MYH11: variants seen among roughly 807,000 people sequenced by gnomAD.
MYH11 encodes the protein myosin heavy chain 11.
In MYH11, 80 loss-of-function variants were observed where a neutral mutation model predicts 246.6. The observed-to-expected ratio is 0.32, with a 90% CI of 0.27 to 0.39. The LOEUF is 0.39. Ranked by LOEUF, MYH11 falls within the 10% of genes least tolerant of loss-of-function variation. MYH11 has a pLI of 1.00. For synonymous variants in MYH11, 1,071 were observed against 1,015.5 expected (o/e 1.05, Z -1.04); for missense variants, 2,158 against 2,546.8 (o/e 0.85, Z 3.29).
At chr16:15,716,217 AATACCAC>A (rs1284420179) in intron 38 of MYH11, among the ~76,000 whole-genome samples, 5 of 152,012 alleles carry the variant, frequency 3.3e-5, no homozygotes. Context: ...ATGGGCATGA[AATACCAC>A]ATATGGCCTG....
In MYH11 at chr16:15,771,808, C is replaced by T. The variant is rs1008931474; in HGVS notation, c.890-96G>A. ...GTCAAGGGTCTGGGCCATCATAATT[C>T]CTTTCCCTTTATCAAGGCTTGAACC... On this transcript the variant is annotated intron_variant, in intron 8 of 40. Transcript: ENST00000300036. 2.0e-6 allele frequency: 3 copies of T among 1,495,354 alleles called. No homozygotes were observed. The African/African-American group carries it at 4.1e-5, about 21-fold the overall frequency. The allele number at this position is 1,495,354 out of a possible 1,614,324, so 92.6% of individuals were successfully genotyped here. A position where few individuals can be genotyped will look rare whatever the true frequency, so the allele number is the denominator to read the frequency against.
At chr16:15,831,694 G>A (rs547633617) in intron 2 of MYH11, among the ~76,000 whole-genome samples, 18 of 152,136 alleles carry the variant, frequency 1.2e-4, no homozygotes, top group African/African-American at 3.9e-4. Flanking sequence ...ATCCCAGCAC[G>A]TTGGGAGGCG....
intron 6 of MYH11, among the ~76,000 whole-genome samples, chr16:15,779,837 C>A (rs934454155): frequency 3.9e-5 from 6 of 152,242 alleles, no homozygotes; most frequent in Non-Finnish European, 7.3e-5. Flanking sequence ...GAACCCTTTT[C>A]CTGTTTCCTC....
chr16:15,777,088 T>TATACACATGCAGAC (rs1290516145), intron 7 of MYH11, among the ~76,000 whole-genome samples: 140 of 137,106 alleles, frequency 1.0e-3, no homozygotes, highest in African/African-American at 4.0e-3. Context: ...TGTACATGGG[T>TATACACATGCAGAC]ATACACACGC....
intron 6 of MYH11, among the ~76,000 whole-genome samples, chr16:15,781,185 C>T (rs1202617090): frequency 2.0e-5 from 3 of 152,218 alleles, no homozygotes; most frequent in African/African-American, 7.2e-5. Context: ...GGACTACGGG[C>T]ATGAGCCACC....
Position 15,715,168 on chromosome 16 carries a change from T to A in MYH11, c.5609A>T (p.Glu1870Val). ...AGGCTGGGTGGCAGGGGCTACCTGC[T>A]CCTTGTACTGCTCGGCCATCTTGCG... ...DERKMAEQYK[E>V]QAEKGNARVK... Residue 1870 changes from glutamate to valine, a missense_variant, in exon 39 of 41, where the codon GAG becomes GTG. This residue lies in a region of MYH11 where 1,013 missense variants were observed against 993.5 expected (regional missense o/e 1.02). Coordinates refer to ENST00000300036, the MANE Select transcript of MYH11 (RefSeq NM_002474.3). 6.2e-7 allele frequency: 1 copy of A among 1,613,648 alleles called. No homozygotes were observed. Among genetic ancestry groups the A allele is most frequent in the Non-Finnish European group, 8.5e-7 (1 of 1,179,996 alleles).
intron 40 of MYH11, chr16:15,708,858 A>AT: frequency 6.2e-7 from 1 of 1,608,648 alleles, no homozygotes; most frequent in Non-Finnish European, 8.5e-7. Flanking sequence ...CAGAGAGAGA[A>AT]TCCCCGGAGG....
intron 8 of MYH11, among the ~76,000 whole-genome samples, chr16:15,774,947 C>G (rs1269548396): frequency 6.6e-6 from 1 of 152,166 alleles, no homozygotes; most frequent in East Asian, 1.9e-4. Context: ...CAATACACTC[C>G]GACACAGCGA....
chr16:15,825,999 G>A (rs1173118124), intron 2 of MYH11, among the ~76,000 whole-genome samples: 1 of 152,152 alleles, frequency 6.6e-6, no homozygotes, highest in East Asian at 1.9e-4. Context: ...CCAAGCAACA[G>A]AGGGTTAAGT....
intron 2 of MYH11, 46 bp downstream of exon 2, chr16:15,837,862 T>A: frequency 6.5e-7 from 1 of 1,547,382 alleles, no homozygotes; most frequent in Non-Finnish European, 8.9e-7. Context: ...ATGCCTACTT[T>A]CCTTATGAGG....
intron 4 of MYH11, among the ~76,000 whole-genome samples, chr16:15,794,761 G>A (rs141144031): frequency 1.1e-4 from 16 of 152,284 alleles, no homozygotes; most frequent in South Asian, 4.1e-4. Flanking sequence ...GGGAAGGGTG[G>A]GCCAGGCAGG....
rs529455149 is a variant in MYH11, at chr16:15,835,179, C to G, written c.345+2729G>C. Among the ~76,000 whole-genome samples, 5 of 151,884 alleles carry G rather than the reference C, an allele frequency of 3.3e-5. No individual in the cohort carries two copies. In the South Asian group the frequency reaches 1.0e-3, roughly 32 times the overall value. On this transcript the variant is annotated intron_variant, in intron 2 of 40. Transcript: ENST00000300036. ...ACTCCTTCTGAAATATCTATAAGAA[C>G]AGTGGAAAAATGGCCTATCCCCATG...
At chr16:15,837,756 A>G in intron 2 of MYH11, 152 bp downstream of exon 2, 1 of 686,914 alleles carries the variant, frequency 1.5e-6, no homozygotes, top group Non-Finnish European at 2.6e-6. Flanking sequence ...CGTGGTCTCG[A>G]ACTTCTGACC....
At position 15,799,365 on chromosome 16, in the gene MYH11, G is replaced by A. The variant is rs1021613022; in HGVS notation, c.503-678C>T. On this transcript the variant is annotated intron_variant, in intron 3 of 40. Transcript: ENST00000300036. ...GCACAGCAGGTGGACAGAGCCCTGA[G>A]GCAGACTTCCTTTCTGCCCCTGGGC... is the stretch of plus-strand genomic sequence containing the variant. 3.3e-5 allele frequency among the ~76,000 whole-genome samples: 5 copies of A among 152,166 alleles called. No individual in the cohort carries two copies. In the East Asian group the frequency reaches 9.6e-4, roughly 29 times the overall value.
intron 2 of MYH11, among the ~76,000 whole-genome samples, chr16:15,836,133 T>A (rs561904107): frequency 1.1e-4 from 16 of 152,194 alleles, no homozygotes; most frequent in Admixed American, 4.6e-4. Context: ...TGCTCGAGGG[T>A]GAGCAAGGCC....
At chr16:15,719,803 A>G in intron 34 of MYH11, 90 bp from the exon 35 acceptor site, 2 of 1,564,850 alleles carry the variant, frequency 1.3e-6, no homozygotes, top group Non-Finnish European at 1.7e-6. Flanking sequence ...CACCCCTTGG[A>G]TTTTCTGCAG....
chr16:15,833,397 A>G (rs150504824), intron 2 of MYH11, among the ~76,000 whole-genome samples: 10 of 116,968 alleles, frequency 8.5e-5, no homozygotes, highest in East Asian at 4.4e-4. Flanking sequence ...GGAAGGAAGG[A>G]AGGAAGGAAG....
intron 36 of MYH11, chr16:15,718,953 C>A: frequency 2.1e-6 from 1 of 475,252 alleles, no homozygotes; most frequent in Non-Finnish European, 3.8e-6. Context: ...CATGGTGAAA[C>A]CCCACCTCTA....
In MYH11 at chr16:15,720,949, C is replaced by T. The variant is rs138863103; in HGVS notation, c.4681G>A (p.Ala1561Thr). 7.1e-5 allele frequency: 114 copies of T among 1,613,904 alleles called. No individual in the cohort carries two copies. Among genetic ancestry groups the T allele is most frequent in the Admixed American group, 2.7e-4 (16 of 59,964 alleles). The change falls in exon 33 of 41, where the codon GCC becomes ACC. Residue 1561 changes from alanine (A) to threonine (T), a missense_variant. Physicochemically the swap from Ala to Thr is moderately conservative, Grantham distance 58. This residue lies in a region of MYH11 where 1,013 missense variants were observed against 993.5 expected (regional missense o/e 1.02). Coordinates refer to ENST00000300036, the MANE Select transcript of MYH11 (RefSeq NM_002474.3). ...ATGTTGACTTCCAGCCGCAGTTTGG[C>T]GTCCTCCGTGGCTTGCAGCTCGTCC... ...LEDELQATED[A>T]KLRLEVNMQA...
Sources: allele counts gnomAD v4.1 joint callset (sites outside exome capture counted in the v4.1 genomes callset), GRCh38; gene constraint gnomAD v4.1.1; regional missense constraint gnomAD v4.1.1; transcripts MANE v1.5; gene names NCBI Gene and HGNC (gene_info 2026-07-23, HGNC 2026-07-21).